The following METTL16 variants were observed in gnomAD, a reference collection of about 807,000 sequenced individuals.
The protein encoded by METTL16 is RNA N(6)-adenosine-methyltransferase METTL16.
In METTL16, 19 loss-of-function variants were observed where a neutral mutation model predicts 57.9. That is an observed-to-expected ratio of 0.33 (90% CI 0.23 to 0.48). The LOEUF (loss-of-function observed/expected upper bound fraction) is 0.48, where lower values mean the gene tolerates loss of function less well. Among genes scored for constraint, METTL16 ranks in the 20% least tolerant of loss-of-function variants. The pLI is 0.99. For synonymous variants in METTL16, 246 were observed against 255.6 expected (o/e 0.96, Z 0.36); for missense variants, 434 against 691.5 (o/e 0.63, Z 4.18).
chr17:2,477,603 C>A, intron 3 of METTL16, 83 bp downstream of exon 3: 5 of 994,652 alleles, frequency 5.0e-6, no homozygotes, highest in South Asian at 4.2e-5. Context: ...ACAACAAATA[C>A]CCAGTAGAAA....
At chr17:2,465,188 G>A (rs1567895320) in intron 5 of METTL16, among the ~76,000 whole-genome samples, 1 of 152,102 alleles carries the variant, frequency 6.6e-6, no homozygotes, top group Non-Finnish European at 1.5e-5. Flanking sequence ...AGTCATCAGG[G>A]AAATCCTAAT....
intron 2 of METTL16, among the ~76,000 whole-genome samples, chr17:2,485,049 G>A (rs1334543894): frequency 1.3e-5 from 2 of 152,238 alleles, no homozygotes; most frequent in South Asian, 2.1e-4. Context: ...GACTTGTGCC[G>A]CACAGCAGGA....
chr17:2,434,534 G>A (rs2066896262), intron 8 of METTL16, among the ~76,000 whole-genome samples: 2 of 152,150 alleles, frequency 1.3e-5, no homozygotes, highest in Non-Finnish European at 2.9e-5. Flanking sequence ...TTAACAGCAG[G>A]ACACTTTCAA....
chr17:2,511,419 A>C (rs897662248), intron 1 of METTL16, among the ~76,000 whole-genome samples: 2 of 151,992 alleles, frequency 1.3e-5, no homozygotes, highest in Non-Finnish European at 2.9e-5. Flanking sequence ...TCTCTCATAA[A>C]TCCGACGTTT....
chr17:2,505,967 C>G (rs113788687), intron 1 of METTL16, among the ~76,000 whole-genome samples: 3,625 of 149,718 alleles, frequency 0.024, 75 homozygotes, highest in African/African-American at 0.057. Flanking sequence ...GACCTTTATG[C>G]AGGCTATTCT....
At chr17:2,454,045 AT>A (rs2067090936) in intron 6 of METTL16, among the ~76,000 whole-genome samples, 1 of 152,096 alleles carries the variant, frequency 6.6e-6, no homozygotes, top group Non-Finnish European at 1.5e-5. Flanking sequence ...GTCATTATTC[AT>A]CTTGAAACTC....
At chr17:2,465,210 T>G (rs567674718) in intron 5 of METTL16, among the ~76,000 whole-genome samples, 1 of 152,168 alleles carries the variant, frequency 6.6e-6, no homozygotes, top group South Asian at 2.1e-4. Context: ...AAAACCACAG[T>G]GAGATACCAC....
At chr17:2,466,159 C>T (rs892309108) in intron 5 of METTL16, among the ~76,000 whole-genome samples, 2 of 149,228 alleles carry the variant, frequency 1.3e-5, no homozygotes, top group African/African-American at 5.0e-5. Flanking sequence ...CGCCACTACA[C>T]TCCAGCCTGG....
At chr17:2,481,000 C>A (rs1055657639) in intron 2 of METTL16, among the ~76,000 whole-genome samples, 3 of 152,088 alleles carry the variant, frequency 2.0e-5, no homozygotes, top group Non-Finnish European at 2.9e-5. Context: ...GTCAGGAGTT[C>A]AAGACCAGCT....
chr17:2,420,904 A>G lies in METTL16; in HGVS notation c.889T>C (p.Ser297Pro). The part of the protein sequence containing the change: ...WSFYDDVTVP[S>P]PPSKRRKLEK... ...AATTTTCTTCGCTTACTTGGTGGTG[A>G]CTGCAAGAAAAAGGAAGCATAGAAA... The change falls in exon 9 of 10, where the codon TCA becomes CCA. Residue 297 changes from serine (S) to proline (P), a missense_variant and splice_region_variant. Physicochemically the swap from Ser to Pro is moderately conservative, Grantham distance 74 (BLOSUM62 -1). Transcript: ENST00000263092. The surrounding 1 kb of genome is among the most constrained non-coding windows in gnomAD (Gnocchi z 5.4). 1 of 1,611,180 alleles carries G rather than the reference A, an allele frequency of 6.2e-7. No individual in the cohort carries two copies. Among genetic ancestry groups the G allele is most frequent in the Non-Finnish European group, 8.5e-7 (1 of 1,178,976 alleles).
intron 2 of METTL16, among the ~76,000 whole-genome samples, chr17:2,498,054 C>T (rs1377021265): frequency 2.0e-5 from 3 of 151,286 alleles, no homozygotes; most frequent in South Asian, 2.1e-4. Context: ...ATTAGCAGGG[C>T]GTGGTGGCGG....
intron 2 of METTL16, among the ~76,000 whole-genome samples, chr17:2,482,879 C>G (rs1261774800): frequency 1.3e-5 from 2 of 151,908 alleles, no homozygotes; most frequent in Non-Finnish European, 2.9e-5. Flanking sequence ...TCACTGCACT[C>G]CAGCCTGGGT....
intron 4 of METTL16, among the ~76,000 whole-genome samples, chr17:2,473,296 G>C (rs1443217487): frequency 6.6e-6 from 1 of 152,064 alleles, no homozygotes; most frequent in African/African-American, 2.4e-5. Flanking sequence ...AATAAATTTA[G>C]GCAAATAGGC....
At chr17:2,501,323 G>A (rs536317058) in intron 2 of METTL16, among the ~76,000 whole-genome samples, 2 of 152,148 alleles carry the variant, frequency 1.3e-5, no homozygotes, top group East Asian at 3.9e-4. Context: ...TTTTATCTGG[G>A]GAGGCTGGGG....
Position 2,429,842 on chromosome 17 carries a change from G to A in METTL16, c.888+8267C>T, listed in dbSNP as rs553368493. On this transcript the variant is annotated intron_variant, in intron 8 of 9. Transcript: ENST00000263092. ...TTTTTTTTTTCTGAGGCGGAGTCTCGCTCTGTCGCCCAGGCTGGAGTGCAG... is the reference window on the plus strand; with the variant it reads ...TTTTTTTTTTCTGAGGCGGAGTCTCACTCTGTCGCCCAGGCTGGAGTGCAG... Among the ~76,000 whole-genome samples, 46 of 150,874 alleles carry A rather than the reference G, an allele frequency of 3.0e-4. 1 individual carries two copies. In the South Asian group the frequency reaches 9.7e-3, roughly 32 times the overall value.
intron 8 of METTL16, among the ~76,000 whole-genome samples, chr17:2,422,711 T>G (rs1476638608): frequency 6.6e-6 from 1 of 151,614 alleles, no homozygotes; most frequent in Non-Finnish European, 1.5e-5. Flanking sequence ...AGGCTGGGTG[T>G]GGTGGCTTAT....
intron 8 of METTL16, among the ~76,000 whole-genome samples, chr17:2,429,177 T>G (rs1044962853): frequency 7.0e-6 from 1 of 143,786 alleles, no homozygotes; most frequent in Non-Finnish European, 1.5e-5. Context: ...TTTTTAAAAC[T>G]GATAAAGCAA....
intron 6 of METTL16, among the ~76,000 whole-genome samples, chr17:2,447,116 C>CG (rs2067003791): frequency 7.0e-6 from 1 of 142,878 alleles, no homozygotes; most frequent in South Asian, 2.2e-4. Context: ...GCCCGGCCGC[C>CG]GTCCCATCTA....
rs1418235012 is a variant in METTL16 at position 2,420,500 on chromosome 17, C to T, written c.1159G>A (p.Glu387Lys). The T allele has an allele frequency of 1.2e-6, 2 of 1,614,080 alleles. No homozygotes were observed. Among genetic ancestry groups the T allele is most frequent in the Non-Finnish European group, 1.7e-6 (2 of 1,180,028 alleles). Reference sequence around the variant, plus strand: ...ACTTCTCTCAGCTGTCTCACACGCTCTCTTTTCTTTCTCCTTAAATGAATC... The same window carrying T: ...ACTTCTCTCAGCTGTCTCACACGCTTTCTTTTCTTTCTCCTTAAATGAATC... ...SWIHLRRKKR[E>K]RVRQLREVPR... Residue 387 changes from glutamate (E) to lysine (K), a missense_variant, in exon 10 of 10, where the codon GAG becomes AAG. Physicochemically the swap from Glu to Lys is moderately conservative, Grantham distance 56 (BLOSUM62 1). Around this residue, in one of 5 missense-constraint regions of METTL16, gnomAD observed 26 missense variants for 63.0 expected, o/e 0.41. Coordinates refer to ENST00000263092, the MANE Select transcript of METTL16 (RefSeq NM_024086.4). This position sits in a 1 kb window ranked among gnomAD's most constrained non-coding sequence, Gnocchi z 5.4.
Sources: allele counts gnomAD v4.1 joint callset (sites outside exome capture counted in the v4.1 genomes callset), GRCh38; gene constraint gnomAD v4.1.1; regional missense constraint gnomAD v4.1.1; non-coding constraint Gnocchi (gnomAD v3.1); transcripts MANE v1.5; gene names NCBI Gene and HGNC (gene_info 2026-07-23, HGNC 2026-07-21).